MR1: variants seen among roughly 807,000 people sequenced by gnomAD.
MR1 encodes major histocompatibility complex class I-related protein 1.
In MR1, 44 loss-of-function variants were observed where a neutral mutation model predicts 37.8. The ratio of observed to expected loss-of-function variants is 1.16; its 90% CI spans 0.91 to 1.50. MR1 has a LOEUF of 1.50. MR1 is among the 40% of genes most tolerant of loss of function. MR1 has a pLI of 0.00. For missense variants in MR1, 386 were observed against 419.1 expected, an observed-to-expected ratio of 0.92 and a Z score of 0.69; for synonymous variants, 153 against 155.8, an observed-to-expected ratio of 0.98 and a Z score of 0.13.
intron 3 of MR1, 78 bp from the exon 4 acceptor site, chr1:181,052,157 A>G: frequency 3.3e-6 from 5 of 1,500,882 alleles, no homozygotes; most frequent in Middle Eastern, 1.8e-4. Flanking sequence ...AAAAATTAGG[A>G]AAGCCAGTTG....
In MR1 at chr1:181,055,370, C is replaced by A; in HGVS notation, c.*105C>A. On this transcript the variant is annotated 3_prime_UTR_variant, in exon 6 of 6. Transcript: ENST00000367580. ...TTGAAGGTCCTGACGACACCCACAA[C>A]ATACATGAGAGTAATGGGATTGAGC... The A allele has an allele frequency of 2.0e-6, 2 of 982,866 alleles. No individual in the cohort carries two copies. Among genetic ancestry groups the A allele is most frequent in the African/African-American group, 1.6e-5 (1 of 61,272 alleles). 60.9% of individuals were successfully genotyped at this position (982,866 alleles called of 1,614,324 possible).
Position 181,061,584 on chromosome 1 carries a change from A to C in MR1, c.*6319A>C, listed in dbSNP as rs1237320660. ...CACTGTGTAGTACATCCAAACGGTTAAAATTCCCTGGAAGATGTTACATAA... is the reference window on the plus strand; with the variant it reads ...CACTGTGTAGTACATCCAAACGGTTCAAATTCCCTGGAAGATGTTACATAA... On this transcript the variant is annotated 3_prime_UTR_variant, in exon 6 of 6. Coordinates refer to ENST00000367580, the MANE Select transcript of MR1 (RefSeq NM_001385161.1). The C allele has an allele frequency of 6.6e-6, 1 of 152,292 alleles. No individual in the cohort carries two copies. Among genetic ancestry groups the C allele is most frequent in the Non-Finnish European group, 1.5e-5 (1 of 68,054 alleles). 9.4% of individuals were successfully genotyped at this position (152,292 alleles called of 1,614,324 possible).
intron 1 of MR1, chr1:181,037,125 A>G (rs1376200770): frequency 6.6e-6 from 1 of 152,190 alleles, no homozygotes; most frequent in African/African-American, 2.4e-5. Flanking sequence ...CAGTCTCTTG[A>G]TATTACTCAT....
intron 1 of MR1, among the ~76,000 whole-genome samples, chr1:181,045,454 G>C (rs973071651): frequency 1.2e-4 from 18 of 152,002 alleles, no homozygotes; most frequent in Non-Finnish European, 2.4e-4. Flanking sequence ...AGGCCATTTG[G>C]TTCCCATGCA....
Position 181,058,955 on chromosome 1 carries a change from A to AG in MR1, c.*3690_*3691insG, listed in dbSNP as rs1443289835. ...TCTGTAGAGTGCTTGATGACCCCAGAATTGGTGCAAGGGGACACATTCTTG... is the reference window on the plus strand; with the variant it reads ...TCTGTAGAGTGCTTGATGACCCCAGAGATTGGTGCAAGGGGACACATTCTTG... On this transcript the variant is annotated 3_prime_UTR_variant, in exon 6 of 6. Transcript: ENST00000367580. 2 of 152,234 alleles carry AG rather than the reference A, an allele frequency of 1.3e-5. No individual in the cohort carries two copies. Among genetic ancestry groups the AG allele is most frequent in the African/African-American group, 2.4e-5 (1 of 41,462 alleles). 9.4% of individuals were successfully genotyped at this position (152,234 alleles called of 1,614,324 possible). A position where few individuals can be genotyped will look rare whatever the true frequency, so the allele number is the denominator to read the frequency against.
chr1:181,054,836 G>A (rs1658522415), intron 5 of MR1, among the ~76,000 whole-genome samples: 1 of 152,046 alleles, frequency 6.6e-6, no homozygotes. Flanking sequence ...ACTCCAGCCT[G>A]GGCAGCAAGA....
chr1:181,035,587 A>G (rs891183013), intron 1 of MR1, among the ~76,000 whole-genome samples: 2 of 152,170 alleles, frequency 1.3e-5, no homozygotes, highest in Non-Finnish European at 2.9e-5. Context: ...TATTACCTGC[A>G]TGTGATTCTC....
At chr1:181,037,343 G>T (rs1214109946) in intron 1 of MR1, among the ~76,000 whole-genome samples, 1 of 152,186 alleles carries the variant, frequency 6.6e-6, no homozygotes, top group Non-Finnish European at 1.5e-5. Context: ...GACTTTATTA[G>T]ATAGACTTCA....
In MR1 at chr1:181,054,526, G is replaced by C. The variant is rs188954295; in HGVS notation, c.986-699G>C. 2.5e-3 allele frequency among the ~76,000 whole-genome samples: 380 copies of C among 152,278 alleles called. 3 individuals are homozygous for C. The highest frequency in any genetic ancestry group is 0.023 in the South Asian group (112 of 4,830). On this transcript the variant is annotated intron_variant, in intron 5 of 5. Transcript: ENST00000367580. ...ATAACTGTACAAAAGCATGTTGTTA[G>C]ATCAAAGTAAAACCAACCCTTTTAC... is the stretch of plus-strand genomic sequence containing the variant.
In MR1 at chr1:181,056,370, TAATAATAATAA is replaced by T. The variant is rs1658618904; in HGVS notation, c.*1106_*1116del. On this transcript the variant is annotated 3_prime_UTR_variant, in exon 6 of 6. Transcript: ENST00000367580. ...AGAGTGAGACTCTATCTCAAAATAA[TAATAATAATAA>T]TAATAATAATAATAATAATAATAAC... The T allele has an allele frequency of 3.7e-5, 2 of 54,792 alleles. No individual in the cohort carries two copies. Among genetic ancestry groups the T allele is most frequent in the South Asian group, 1.7e-3 (2 of 1,194 alleles). The allele number at this position is 54,792 out of a possible 1,614,324, so 3.4% of individuals were successfully genotyped here. A position where few individuals can be genotyped will look rare whatever the true frequency, so the allele number is the denominator to read the frequency against.
intron 1 of MR1, among the ~76,000 whole-genome samples, chr1:181,044,561 C>T (rs926942268): frequency 1.3e-5 from 2 of 152,126 alleles, no homozygotes; most frequent in Non-Finnish European, 2.9e-5. Flanking sequence ...GCGAGGAGTG[C>T]GTGAGGCTGA....
chr1:181,042,200 ATT>A (rs373949499), intron 1 of MR1, among the ~76,000 whole-genome samples: 11,844 of 133,782 alleles, frequency 0.089, 450 homozygotes, highest in Middle Eastern at 0.15. Context: ...ATCAAAGATA[ATT>A]TTTTTTTTTT....
chr1:181,038,841 T>C (rs1325949979), intron 1 of MR1, among the ~76,000 whole-genome samples: 2 of 152,014 alleles, frequency 1.3e-5, no homozygotes. Flanking sequence ...TTTGCTCTTA[T>C]TGCCCAGGCT....
In MR1 at chr1:181,055,372, T is replaced by C. The variant is rs550137462; in HGVS notation, c.*107T>C. On this transcript the variant is annotated 3_prime_UTR_variant, in exon 6 of 6. Coordinates refer to ENST00000367580, the MANE Select transcript of MR1 (RefSeq NM_001385161.1). Reference sequence around the variant, plus strand: ...GAAGGTCCTGACGACACCCACAACATACATGAGAGTAATGGGATTGAGCAT... The same window carrying C: ...GAAGGTCCTGACGACACCCACAACACACATGAGAGTAATGGGATTGAGCAT... 2.5e-4 allele frequency: 235 copies of C among 948,514 alleles called. 3 individuals carry two copies. The South Asian group carries it at 3.2e-3, about 13-fold the overall frequency. The allele number at this position is 948,514 out of a possible 1,614,324, so 58.8% of individuals were successfully genotyped here.
At chr1:181,040,423 A>T (rs764236353) in intron 1 of MR1, among the ~76,000 whole-genome samples, 3 of 152,176 alleles carry the variant, frequency 2.0e-5, no homozygotes, top group Non-Finnish European at 4.4e-5. Flanking sequence ...ATGTACTAGG[A>T]GAGAGAGGGT....
At position 181,052,600 on chromosome 1, in the gene MR1, G is replaced by A. The variant is rs1341267769; in HGVS notation, c.880+90G>A. On this transcript the variant is annotated intron_variant, in intron 4 of 5. Transcript: ENST00000367580. ...GCTCGCTGCCAGGGAGGGGAGGATA[G>A]ATCACTGCCTCACTCAGTGTGCCTT... 9 of 1,383,672 alleles carry A rather than the reference G, an allele frequency of 6.5e-6. No homozygotes were observed. In the East Asian group the frequency reaches 1.9e-4, roughly 29 times the overall value. 85.7% of individuals were successfully genotyped at this position (1,383,672 alleles called of 1,614,324 possible). A position where few individuals can be genotyped will look rare whatever the true frequency, so the allele number is the denominator to read the frequency against.
rs774658856 is a variant in MR1 at position 181,053,635 on chromosome 1, C to T, written c.943C>T (p.Leu315=). The part of the protein sequence containing the change: ...VSGSIVLVIV[L]AGVGVLVWRR... ...TGGGTCCATTGTCCTTGTCATTGTGCTGGCTGGAGTTGGTGTTCTAGTCTG... is the reference window on the plus strand; with the variant it reads ...TGGGTCCATTGTCCTTGTCATTGTGTTGGCTGGAGTTGGTGTTCTAGTCTG... Residue 315 remains leucine, a synonymous_variant, in exon 5 of 6, where the codon CTG becomes TTG. Transcript: ENST00000367580. 1 of 1,613,900 alleles carries T rather than the reference C, an allele frequency of 6.2e-7. No individual in the cohort carries two copies. Among genetic ancestry groups the T allele is most frequent in the Non-Finnish European group, 8.5e-7 (1 of 1,179,808 alleles).
chr1:181,036,990 A>T (rs1008374958), intron 1 of MR1: 4 of 152,126 alleles, frequency 2.6e-5, no homozygotes, highest in Admixed American at 2.0e-4. Context: ...CTTGTTCTTC[A>T]TTTCAGCCTG....
rs1658793635 is a variant in MR1, at chr1:181,059,303, T to C, written c.*4038T>C. ...TTGAGCATTGTATGTCTCTGTAACATCTCTGCATCTCCTTTTCACTCTGGC... is the reference window on the plus strand; with the variant it reads ...TTGAGCATTGTATGTCTCTGTAACACCTCTGCATCTCCTTTTCACTCTGGC... On this transcript the variant is annotated 3_prime_UTR_variant, in exon 6 of 6. Transcript: ENST00000367580. 2 of 152,302 alleles carry C rather than the reference T, an allele frequency of 1.3e-5. No individual in the cohort carries two copies. The highest frequency in any genetic ancestry group is 4.1e-4 in the South Asian group (2 of 4,838). 9.4% of individuals were successfully genotyped at this position (152,302 alleles called of 1,614,324 possible).
Sources: gnomAD v4.1 joint callset for allele counts (sites outside exome capture counted in the v4.1 genomes callset) on GRCh38, gnomAD v4.1.1 for gene constraint, MANE v1.5 for transcripts, NCBI Gene and HGNC (gene_info 2026-07-23, HGNC 2026-07-21) for gene names.